Variants in POR observed in about 807,000 individuals in gnomAD.
The protein encoded by POR is cytochrome p450 oxidoreductase, also known as NADPH--cytochrome P450 reductase.
In POR, 56 loss-of-function variants were observed where a neutral mutation model predicts 84.0. That is an observed-to-expected ratio of 0.67 (90% CI 0.54 to 0.83). The LOEUF is 0.83. POR is among the 40% of genes least tolerant of loss of function. POR has a pLI of 0.00. For missense variants in POR, 938 were observed against 944.3 expected, an observed-to-expected ratio of 0.99 and a Z score of 0.09; for synonymous variants, 414 against 400.5, an observed-to-expected ratio of 1.03 and a Z score of -0.40.
In POR at chr7:75,922,543, C is replaced by T. The variant is rs781237209; in HGVS notation, c.-5+7364C>T. Among the ~76,000 whole-genome samples the T allele has an allele frequency of 1.8e-4, 27 of 152,128 alleles. 1 individual carries two copies. The highest frequency in any genetic ancestry group is 2.9e-4 in the Non-Finnish European group (20 of 67,982). Reference sequence around the variant, plus strand: ...TTTCACCATGTTGCCCAGCTGGTCTCGAATGCCTGACCTGAAGCAGTCTGC... The same window carrying T: ...TTTCACCATGTTGCCCAGCTGGTCTTGAATGCCTGACCTGAAGCAGTCTGC... On this transcript the variant is annotated intron_variant, in intron 1 of 15. Coordinates refer to ENST00000461988, the MANE Select transcript of POR (RefSeq NM_000941.3).
chr7:75,983,654 C>T lies in POR; in HGVS notation c.947+18C>T, dbSNP rs782402452. ...AAAATCAGGTACCAGCTGCCACTGTCACCCCCTGAACCCTCACTCTGGGCC... is the reference window on the plus strand; with the variant it reads ...AAAATCAGGTACCAGCTGCCACTGTTACCCCCTGAACCCTCACTCTGGGCC... On this transcript the variant is annotated intron_variant, in intron 9 of 15. Coordinates refer to ENST00000461988, the MANE Select transcript of POR (RefSeq NM_000941.3). The T allele has an allele frequency of 1.9e-6, 3 of 1,609,846 alleles. No individual in the cohort carries two copies. In the African/African-American group the frequency reaches 4.0e-5, roughly 22 times the overall value.
intron 1 of POR, among the ~76,000 whole-genome samples, chr7:75,934,254 C>G (rs1807565376): frequency 6.6e-6 from 1 of 151,368 alleles, no homozygotes; most frequent in South Asian, 2.1e-4. Flanking sequence ...CAACGTCTCA[C>G]AGTTTGGTTT....
intron 8 of POR, 49 bp from the exon 9 acceptor site, chr7:75,983,471 T>G: frequency 7.4e-7 from 1 of 1,359,238 alleles, no homozygotes; most frequent in Non-Finnish European, 1.1e-6. Flanking sequence ...AGACGGAGAC[T>G]CAGATCAAAG....
intron 3 of POR, among the ~76,000 whole-genome samples, chr7:75,975,844 G>A (rs1554556759): frequency 8.8e-6 from 1 of 113,656 alleles, no homozygotes; most frequent in East Asian, 2.5e-4. Flanking sequence ...TAGAGACTGG[G>A]TCTCACTCTG....
rs372672054 is a variant in POR, at chr7:75,980,437, C to T, written c.465C>T (p.Phe155=). ...ACCCCACCGACAATGCCCAGGACTT[C>T]TACGACTGGCTGCAGGAGACAGACG... The change falls in exon 5 of 16, where the codon TTC becomes TTT. Residue 155 remains phenylalanine, a synonymous_variant. Transcript: ENST00000461988. The T allele has an allele frequency of 3.7e-5, 60 of 1,613,212 alleles. No homozygotes were observed. In the Admixed American group the frequency reaches 4.7e-4, roughly 13 times the overall value.
chr7:75,926,654 C>G (rs907795998), intron 1 of POR, among the ~76,000 whole-genome samples: 4 of 151,986 alleles, frequency 2.6e-5, no homozygotes, highest in Admixed American at 6.6e-5. Context: ...ATTAGCCGGG[C>G]GTGGTGGTGC....
In POR at chr7:75,985,128, T is replaced by C; in HGVS notation, c.1319T>C (p.Leu440Pro). The change falls in exon 12 of 16, where the codon CTG becomes CCG. Residue 440 changes from leucine to proline, a missense_variant. By Grantham distance (98) the Leu-to-Pro change is moderately conservative (BLOSUM62 -3). Transcript: ENST00000461988. Reference sequence around the variant, plus strand: ...GCCATCCTGCAGGACTGCCCGTCCCTGCGGCCCCCCATCGACCACCTGTGT... The same window carrying C: ...GCCATCCTGCAGGACTGCCCGTCCCCGCGGCCCCCCATCGACCACCTGTGT... The C allele has an allele frequency of 6.2e-7, 1 of 1,600,108 alleles. No homozygotes were observed. Among genetic ancestry groups the C allele is most frequent in the Non-Finnish European group, 8.5e-7 (1 of 1,179,574 alleles).
chr7:75,918,123 G>A (rs1806662472), intron 1 of POR, among the ~76,000 whole-genome samples: 1 of 152,084 alleles, frequency 6.6e-6, no homozygotes, highest in Non-Finnish European at 1.5e-5. Context: ...CCTGGCCAAC[G>A]TGGTGAAACC....
chr7:75,918,401 A>G (rs1806683751), intron 1 of POR, among the ~76,000 whole-genome samples: 1 of 152,202 alleles, frequency 6.6e-6, no homozygotes, highest in South Asian at 2.1e-4. Flanking sequence ...AGGTGGGAGA[A>G]GCATCTGAGT....
intron 2 of POR, among the ~76,000 whole-genome samples, chr7:75,958,301 C>A (rs1787773123): frequency 6.6e-6 from 1 of 151,870 alleles, no homozygotes; most frequent in Admixed American, 6.6e-5. Context: ...ATTTTTTGTA[C>A]AAATGGACAT....
rs983698906 is a variant in POR, at chr7:75,964,453, G to A, written c.189-7960G>A. ...CTCCCGAGTAGCTGGGATTACAGGC[G>A]CCTGCCACCACACCCGGCTAATTTT... On this transcript the variant is annotated intron_variant, in intron 2 of 15. Coordinates refer to ENST00000461988, the MANE Select transcript of POR (RefSeq NM_000941.3). Among the ~76,000 whole-genome samples, 7 of 152,052 alleles carry A rather than the reference G, an allele frequency of 4.6e-5. No individual in the cohort carries two copies. In the East Asian group the frequency reaches 1.2e-3, roughly 25 times the overall value.
chr7:75,980,969 C>T, intron 5 of POR, 79 bp from the exon 6 acceptor site: 3 of 1,451,022 alleles, frequency 2.1e-6, no homozygotes, highest in Non-Finnish European at 2.7e-6. Context: ...TGCTGTGGGG[C>T]CTCCCGCCCT....
Position 75,931,596 on chromosome 7 carries a change from T to C in POR, c.-5+16417T>C, listed in dbSNP as rs1324069508. Among the ~76,000 whole-genome samples, 3 of 152,068 alleles carry C rather than the reference T, an allele frequency of 2.0e-5. No individual in the cohort carries two copies. The East Asian group carries it at 5.8e-4, about 29-fold the overall frequency. On this transcript the variant is annotated intron_variant, in intron 1 of 15. Coordinates refer to ENST00000461988, the MANE Select transcript of POR (RefSeq NM_000941.3). The stretch of plus-strand genomic sequence containing the variant: ...GTTGGACAGGTTGGTCTCGAACTCC[T>C]GTCCTCAAGTGATCCTCCCGCCTTG...
At chr7:75,924,767 T>A (rs905116171) in intron 1 of POR, among the ~76,000 whole-genome samples, 50 of 152,000 alleles carry the variant, frequency 3.3e-4, no homozygotes, top group African/African-American at 1.1e-3. Flanking sequence ...AATAGAAAAT[T>A]CTAATGAAAA....
At chr7:75,947,619 G>A (rs1966363) in intron 1 of POR, among the ~76,000 whole-genome samples, 41,793 of 151,986 alleles carry the variant, frequency 0.27, 6,183 homozygotes, top group Middle Eastern at 0.41. Flanking sequence ...AAATCTTTGC[G>A]CTTAAATGTT....
At chr7:75,965,600 T>C (rs189941928) in intron 2 of POR, among the ~76,000 whole-genome samples, 1 of 152,276 alleles carries the variant, frequency 6.6e-6, no homozygotes, top group African/African-American at 2.4e-5. Flanking sequence ...GGCCTTTTCT[T>C]TCTGTCACCG....
chr7:75,974,524 C>CTTTT (rs1238804117), intron 3 of POR, among the ~76,000 whole-genome samples: 81 of 107,892 alleles, frequency 7.5e-4, no homozygotes, highest in Non-Finnish European at 9.1e-4. Flanking sequence ...TTTTTCTTTT[C>CTTTT]TTTTTTTTTT....
In POR at chr7:75,955,109, C is replaced by T. The variant is rs554160267; in HGVS notation, c.188+929C>T. 1.1e-4 allele frequency among the ~76,000 whole-genome samples: 17 copies of T among 152,212 alleles called. No homozygotes were observed. In the South Asian group the frequency reaches 2.1e-3, roughly 19 times the overall value. The stretch of plus-strand genomic sequence containing the variant: ...CGCACACCTTGGTCTCCCAGAGTGT[C>T]GGGATTACAGGCGTGAGCCACTGTA... On this transcript the variant is annotated intron_variant, in intron 2 of 15. Coordinates refer to ENST00000461988, the MANE Select transcript of POR (RefSeq NM_000941.3).
At chr7:75,984,006 G>A (rs1439938291) in intron 10 of POR, 150 bp downstream of exon 10, 4 of 667,594 alleles carry the variant, frequency 6.0e-6, no homozygotes, top group Non-Finnish European at 1.0e-5. Context: ...AGGATCCCAA[G>A]CAAACGGGAG....
Sources: allele counts gnomAD v4.1 joint callset (sites outside exome capture counted in the v4.1 genomes callset), GRCh38; gene constraint gnomAD v4.1.1; transcripts MANE v1.5; gene names NCBI Gene and HGNC (gene_info 2026-07-23, HGNC 2026-07-21).